The following CFAP97 variants were observed in gnomAD, a reference collection of about 807,000 sequenced individuals.
CFAP97 encodes the protein cilia and flagella associated protein 97, also known as cilia- and flagella-associated protein 97.
A neutral mutation model predicts 43.1 loss-of-function variants in CFAP97; 36 were observed. The observed-to-expected ratio is 0.84, with a 90% CI of 0.64 to 1.10. The LOEUF is 1.10. CFAP97 is among the 50% of genes least tolerant of loss of function. The pLI is 0.00. For missense variants in CFAP97, 657 were observed against 620.3 expected (o/e 1.06, Z -0.63); for synonymous variants, 228 against 225.7 (o/e 1.01, Z -0.09).
intron 2 of CFAP97, among the ~76,000 whole-genome samples, chr4:185,179,000 A>C (rs933876996): frequency 3.9e-5 from 6 of 152,204 alleles, no homozygotes; most frequent in African/African-American, 1.4e-4. Flanking sequence ...GGGGCGCTAA[A>C]AAAATCATAA....
upstream of CFAP97, among the ~76,000 whole-genome samples, chr4:185,204,648 T>G (rs1737107775): frequency 6.6e-6 from 1 of 152,226 alleles, no homozygotes; most frequent in South Asian, 2.1e-4. Flanking sequence ...CTGATGTGAT[T>G]AAGGATCAAA....
intron 2 of CFAP97, among the ~76,000 whole-genome samples, chr4:185,189,365 T>C (rs78319899): frequency 2.0e-5 from 3 of 152,216 alleles, no homozygotes; most frequent in Middle Eastern, 3.2e-3. Context: ...ATGCAATTTA[T>C]CTAGTTAAAG....
At chr4:185,170,263 T>C (rs563027641) in intron 3 of CFAP97, 31 of 658,584 alleles carry the variant, frequency 4.7e-5, no homozygotes, top group Middle Eastern at 5.5e-4. Context: ...GGAGAATCAC[T>C]TGAACCCAGG....
At chr4:185,185,266 G>C (rs1232120158) in intron 2 of CFAP97, among the ~76,000 whole-genome samples, 2 of 151,834 alleles carry the variant, frequency 1.3e-5, no homozygotes, top group Non-Finnish European at 2.9e-5. Context: ...AATTATGAAC[G>C]AAGAGCAATG....
In CFAP97 at chr4:185,190,177, T is replaced by C. The variant is rs1736169035; in HGVS notation, c.1020A>G (p.Leu340=). The change falls in exon 2 of 5, where the codon TTA becomes TTG. Residue 340 remains leucine (L), a synonymous_variant. Transcript: ENST00000458385. ...GATGATTCAGATCCATTGTGTCATG[T>C]AAGACTTTCTGTTTATGTCTGTGGT... ...SLDHRHKQKV[L]HDTMDLNHLL... is the part of the protein sequence containing the mutation. 2 of 1,594,038 alleles carry C rather than the reference T, an allele frequency of 1.3e-6. No individual in the cohort carries two copies. Among genetic ancestry groups the C allele is most frequent in the African/African-American group, 2.7e-5 (2 of 73,702 alleles).
At position 185,203,748 on chromosome 4, in the gene CFAP97, G is replaced by A. The variant is rs931167833; in HGVS notation, c.-17+150C>T. Reference sequence around the variant, plus strand: ...GCGGGCGCCCCTGTCGTGGGGGCGCGGTCTCCCACCGTCCGCGCAGGCTTC... The same window carrying A: ...GCGGGCGCCCCTGTCGTGGGGGCGCAGTCTCCCACCGTCCGCGCAGGCTTC... On this transcript the variant is annotated intron_variant, in intron 1 of 4. Coordinates refer to ENST00000458385, the MANE Select transcript of CFAP97 (RefSeq NM_020827.3). 2.6e-5 allele frequency: 4 copies of A among 152,078 alleles called. No individual in the cohort carries two copies. The South Asian group carries it at 6.2e-4, about 24-fold the overall frequency. The allele number at this position is 152,078 out of a possible 1,614,324, so 9.4% of individuals were successfully genotyped here.
intron 3 of CFAP97, among the ~76,000 whole-genome samples, chr4:185,174,940 A>C (rs1049340469): frequency 6.6e-6 from 1 of 152,236 alleles, no homozygotes; most frequent in African/African-American, 2.4e-5. Context: ...GATTTTCAAC[A>C]GTTCCCATAT....
upstream of CFAP97, chr4:185,204,244 C>G (rs1207755517): frequency 4.6e-5 from 7 of 152,332 alleles, no homozygotes; most frequent in Admixed American, 3.3e-4. Flanking sequence ...CTGCTGCTCC[C>G]GGCTGCCTAG....
At chr4:185,166,774 A>G (rs1735088352) in intron 3 of CFAP97, among the ~76,000 whole-genome samples, 1 of 152,190 alleles carries the variant, frequency 6.6e-6, no homozygotes, top group Non-Finnish European at 1.5e-5. Context: ...ACATGAATAT[A>G]ACAAGCTAAA....
At chr4:185,208,306 G>A (rs181928032), upstream of CFAP97, among the ~76,000 whole-genome samples, 175 of 151,958 alleles carry the variant, frequency 1.2e-3, no homozygotes, top group Middle Eastern at 6.8e-3. Context: ...GTGAGCCACC[G>A]TGCCCGCCCC....
chr4:185,166,502 C>A (rs1735078121), intron 3 of CFAP97, among the ~76,000 whole-genome samples: 1 of 152,186 alleles, frequency 6.6e-6, no homozygotes, highest in Non-Finnish European at 1.5e-5. Flanking sequence ...GTCTATTAAA[C>A]TCCTAGTGTC....
chr4:185,197,584 C>T (rs1560875650), intron 1 of CFAP97, among the ~76,000 whole-genome samples: 1 of 151,956 alleles, frequency 6.6e-6, no homozygotes, highest in African/African-American at 2.4e-5. Context: ...CGTGCCACCA[C>T]ACCCGGCTAA....
intron 3 of CFAP97, chr4:185,170,361 A>G: frequency 1.9e-6 from 1 of 525,014 alleles, no homozygotes; most frequent in Non-Finnish European, 3.4e-6. Context: ...AAATAAAATA[A>G]AGTTACTCCT....
At chr4:185,190,018 T>A (rs1429320792) in intron 2 of CFAP97, 125 bp downstream of exon 2, 7 of 663,410 alleles carry the variant, frequency 1.1e-5, no homozygotes, top group Non-Finnish European at 1.6e-5. Flanking sequence ...GTAAAGTTAC[T>A]AATAATATCA....
intron 4 of CFAP97, among the ~76,000 whole-genome samples, chr4:185,163,361 G>A (rs776714848): frequency 6.6e-6 from 1 of 152,008 alleles, no homozygotes; most frequent in East Asian, 1.9e-4. Flanking sequence ...TCACGAGGGC[G>A]GGCGCTGGGA....
chr4:185,164,265 CT>C, intron 3 of CFAP97, 86 bp from the exon 4 acceptor site: 1 of 1,230,332 alleles, frequency 8.1e-7, no homozygotes, highest in Non-Finnish European at 1.1e-6. Context: ...CTGACATTCA[CT>C]TTCTTTCTTT....
At chr4:185,208,381 C>A (rs117894263), upstream of CFAP97, among the ~76,000 whole-genome samples, 13 of 152,214 alleles carry the variant, frequency 8.5e-5, no homozygotes, top group East Asian at 1.5e-3. Flanking sequence ...CTTGGCATGG[C>A]AAAGTCACAT....
At chr4:185,188,070 T>C (rs1736080683) in intron 2 of CFAP97, among the ~76,000 whole-genome samples, 1 of 151,632 alleles carries the variant, frequency 6.6e-6, no homozygotes, top group African/African-American at 2.4e-5. Flanking sequence ...CTAATTTTTG[T>C]ATTTTTAGTA....
At chr4:185,163,636 T>C (rs572716395) in intron 4 of CFAP97, among the ~76,000 whole-genome samples, 8 of 152,046 alleles carry the variant, frequency 5.3e-5, no homozygotes, top group South Asian at 4.2e-4. Context: ...GTTTTAGTTA[T>C]CCAGTAAGTA....
Sources: gnomAD v4.1 joint callset for allele counts (sites outside exome capture counted in the v4.1 genomes callset) on GRCh38, gnomAD v4.1.1 for gene constraint, MANE v1.5 for transcripts, NCBI Gene and HGNC (gene_info 2026-07-23, HGNC 2026-07-21) for gene names.